NEK10: variants seen among roughly 807,000 people sequenced by gnomAD.
NEK10 encodes the protein NIMA related kinase 10, also known as serine/threonine-protein kinase Nek10.
In NEK10, 122 loss-of-function variants were observed where a neutral mutation model predicts 159.8. The ratio of observed to expected loss-of-function variants is 0.76; its 90% confidence interval spans 0.66 to 0.89. The LOEUF is 0.89. Ranked by LOEUF, NEK10 falls within the 40% of genes least tolerant of loss-of-function variation. The pLI, the probability that NEK10 is intolerant of heterozygous loss-of-function variation, is 0.00. For synonymous variants in NEK10, 466 were observed against 457.1 expected, an observed-to-expected ratio of 1.02 and a Z score of -0.25; for missense variants, 1,342 against 1,323.1, an observed-to-expected ratio of 1.01 and a Z score of -0.22.
chr3:27,193,974 A>G (rs1303178045), intron 25 of NEK10: 1 of 152,016 alleles, frequency 6.6e-6, no homozygotes, highest in Non-Finnish European at 1.5e-5. Context: ...TCCACAAACA[A>G]ACTCAGCGTA....
chr3:27,349,098 G>C (rs1277777991), intron 3 of NEK10, among the ~76,000 whole-genome samples: 1 of 151,992 alleles, frequency 6.6e-6, no homozygotes, highest in Non-Finnish European at 1.5e-5. Context: ...GCAGTCCATG[G>C]ACCAGAATGT....
intron 32 of NEK10, among the ~76,000 whole-genome samples, chr3:27,129,612 T>C (rs1942380743): frequency 6.6e-6 from 1 of 152,136 alleles, no homozygotes; most frequent in Admixed American, 6.6e-5. Flanking sequence ...TTTATCAGTA[T>C]ACCAATAAAG....
intron 25 of NEK10, among the ~76,000 whole-genome samples, chr3:27,192,512 G>A (rs533092430): frequency 6.6e-6 from 1 of 151,930 alleles, no homozygotes; most frequent in Non-Finnish European, 1.5e-5. Flanking sequence ...GATGCTCTTC[G>A]GGTCTCAGGA....
At chr3:27,356,241 A>C (rs2048317924) in intron 1 of NEK10, among the ~76,000 whole-genome samples, 1 of 152,164 alleles carries the variant, frequency 6.6e-6, no homozygotes, top group South Asian at 2.1e-4. Flanking sequence ...CCAGGCATGA[A>C]GGCTCATACC....
intron 26 of NEK10, among the ~76,000 whole-genome samples, chr3:27,181,121 T>C (rs1452257186): frequency 3.3e-5 from 5 of 152,130 alleles, no homozygotes; most frequent in Non-Finnish European, 7.4e-5. Flanking sequence ...TAATGTACAG[T>C]TGACCCTTGA....
intron 22 of NEK10, among the ~76,000 whole-genome samples, chr3:27,272,615 G>A (rs980559091): frequency 6.6e-6 from 1 of 152,012 alleles, no homozygotes; most frequent in African/African-American, 2.4e-5. Flanking sequence ...TCTTCCGATT[G>A]CTATTTTTTA....
chr3:27,123,298 G>GA (rs1553635930), intron 32 of NEK10, among the ~76,000 whole-genome samples: 2 of 152,072 alleles, frequency 1.3e-5, no homozygotes, highest in Non-Finnish European at 1.5e-5. Context: ...GACTAGCTTG[G>GA]TTTTTTTAGA....
intron 22 of NEK10, among the ~76,000 whole-genome samples, chr3:27,271,154 TCTA>T (rs1374842262): frequency 2.5e-3 from 56 of 22,566 alleles, no homozygotes; most frequent in Non-Finnish European, 4.2e-3. Flanking sequence ...CTATCTTCTA[TCTA>T]TCTATCTATC....
At chr3:27,256,519 G>C in intron 22 of NEK10, 148 bp from the exon 23 acceptor site, 1 of 413,206 alleles carries the variant, frequency 2.4e-6, no homozygotes. Context: ...ATATAATGAG[G>C]TTTATCATTT....
chr3:27,260,525 T>G (rs968082426), intron 22 of NEK10, among the ~76,000 whole-genome samples: 2 of 152,220 alleles, frequency 1.3e-5, no homozygotes, highest in African/African-American at 4.8e-5. Flanking sequence ...ATTACGTTTA[T>G]TGATTTGCGT....
intron 23 of NEK10, chr3:27,215,512 T>C: frequency 2.3e-6 from 1 of 442,120 alleles, no homozygotes; most frequent in Non-Finnish European, 4.0e-6. Flanking sequence ...ATATAAGGCA[T>C]AGAATATCTT....
At chr3:27,292,601 A>C (rs11919439) in intron 16 of NEK10, among the ~76,000 whole-genome samples, 59,099 of 151,686 alleles carry the variant, frequency 0.39, 14,743 homozygotes, top group African/African-American at 0.72. Flanking sequence ...TGGGAGGCCA[A>C]GGCGGGTGGA....
In NEK10 at chr3:27,119,502, G is replaced by T. The variant is rs533430478; in HGVS notation, c.3190+258C>A. Among the ~76,000 whole-genome samples the T allele has an allele frequency of 1.2e-4, 18 of 152,156 alleles. No homozygotes were observed. The East Asian group carries it at 3.5e-3, about 29-fold the overall frequency. On this transcript the variant is annotated intron_variant, in intron 33 of 35. Transcript: ENST00000691995. The stretch of plus-strand genomic sequence containing the variant: ...ATCAGATAAGCAAAAAGAAATAAAA[G>T]GAAATACAACTCACCCACACAGATT...
chr3:27,141,790 A>G (rs1167739596), intron 30 of NEK10, among the ~76,000 whole-genome samples: 1 of 152,194 alleles, frequency 6.6e-6, no homozygotes, highest in Non-Finnish European at 1.5e-5. Context: ...AAGTAACACA[A>G]TGATATTATC....
chr3:27,339,543 G>T (rs2047052551), intron 5 of NEK10, among the ~76,000 whole-genome samples: 1 of 152,046 alleles, frequency 6.6e-6, no homozygotes, highest in African/African-American at 2.4e-5. Context: ...CATTTTGGGA[G>T]GCTAAGGTGG....
At chr3:27,314,171 C>G in intron 7 of NEK10, 126 bp downstream of exon 7, 1 of 696,388 alleles carries the variant, frequency 1.4e-6, no homozygotes, top group South Asian at 1.6e-5. Context: ...TTAACGCTGT[C>G]TGTCCCTCTC....
intron 3 of NEK10, among the ~76,000 whole-genome samples, chr3:27,347,210 AT>A (rs2047617954): frequency 6.6e-6 from 1 of 152,160 alleles, no homozygotes; most frequent in Non-Finnish European, 1.5e-5. Context: ...TTTAATGTAA[AT>A]CAGTATGAAG....
rs566472196 is a variant in NEK10 at position 27,212,884 on chromosome 3, A to T, written c.2091-10327T>A. Among the ~76,000 whole-genome samples, 27 of 152,322 alleles carry T rather than the reference A, an allele frequency of 1.8e-4. No individual in the cohort carries two copies. The East Asian group carries it at 5.0e-3, about 28-fold the overall frequency. ...GAGTGTGAGACGGAGGCAGGAGAAT[A>T]GAGTGTGGAGGCAGGGAACATAAGG... On this transcript the variant is annotated intron_variant, in intron 23 of 35. Coordinates refer to ENST00000691995, the MANE Select transcript of NEK10 (RefSeq NM_001394966.1).
chr3:27,331,245 A>AC (rs1559513265), intron 5 of NEK10, among the ~76,000 whole-genome samples: 1 of 127,042 alleles, frequency 7.9e-6, no homozygotes, highest in East Asian at 2.5e-4. Context: ...CTCAAAAAAA[A>AC]AAAAACAAAA....
Sources: gnomAD v4.1 joint callset for allele counts (sites outside exome capture counted in the v4.1 genomes callset) on GRCh38, gnomAD v4.1.1 for gene constraint, MANE v1.5 for transcripts, NCBI Gene and HGNC (gene_info 2026-07-23, HGNC 2026-07-21) for gene names.